The following PI4KA variants were observed in gnomAD, a reference collection of about 807,000 sequenced individuals.
PI4KA encodes the protein PI4-kinase alpha.
PI4KA carries 122 observed loss-of-function variants against 271.4 expected under a neutral mutation model. That is an observed-to-expected ratio of 0.45 (90% confidence interval 0.39 to 0.52). The LOEUF is 0.52. Ranked by LOEUF, PI4KA falls within the 20% of genes least tolerant of loss-of-function variation. The probability of loss-of-function intolerance (pLI) is 0.00; values close to 1 mark genes in which losing one functional copy is unlikely to be tolerated. For missense variants in PI4KA, 1,969 were observed against 2,769.1 expected, an observed-to-expected ratio of 0.71 and a Z score of 6.48; for synonymous variants, 1,041 against 1,078.8, an observed-to-expected ratio of 0.96 and a Z score of 0.69.
chr22:20,737,897 C>T (rs1928930229), intron 32 of PI4KA, among the ~76,000 whole-genome samples: 1 of 152,162 alleles, frequency 6.6e-6, no homozygotes, highest in South Asian at 2.1e-4. Context: ...TCCCAAAGTG[C>T]TGGGATTACA....
intron 3 of PI4KA, 80 bp downstream of exon 3, chr22:20,834,482 T>C (rs1924605453): frequency 2.3e-6 from 2 of 861,536 alleles, no homozygotes. Flanking sequence ...GATGTGTCAG[T>C]ATGAATAAAC....
rs536201588 is a variant in PI4KA at position 20,728,145 on chromosome 22, G to T, written c.4683-281C>A. ...AACTCCAAGGACAAATGCTTGAGGG[G>T]ATGGATACCCCATTCTCCAAGATGT... On this transcript the variant is annotated intron_variant, in intron 39 of 54. Transcript: ENST00000255882. Among the ~76,000 whole-genome samples, 18 of 152,232 alleles carry T rather than the reference G, an allele frequency of 1.2e-4. No homozygotes were observed. In the East Asian group the frequency reaches 3.1e-3, roughly 26 times the overall value.
At chr22:20,789,487 G>A (rs558521062) in intron 19 of PI4KA, among the ~76,000 whole-genome samples, 7 of 152,076 alleles carry the variant, frequency 4.6e-5, no homozygotes, top group Admixed American at 3.9e-4. Context: ...GTGCCACCAC[G>A]CTTGGCTAAT....
In PI4KA at chr22:20,740,254, G is replaced by A. The variant is rs182491447; in HGVS notation, c.3741+1974C>T. On this transcript the variant is annotated intron_variant, in intron 32 of 54. Transcript: ENST00000255882. ...AAGCAGAAGAAAAGAACAGTGAACTGGTATACAGGTTAAAAAAAAAATTAA... is the reference window on the plus strand; with the variant it reads ...AAGCAGAAGAAAAGAACAGTGAACTAGTATACAGGTTAAAAAAAAAATTAA... 2.5e-3 allele frequency among the ~76,000 whole-genome samples: 371 copies of A among 151,064 alleles called. 1 individual carries two copies. Among genetic ancestry groups the A allele is most frequent in the African/African-American group, 8.6e-3 (354 of 41,260 alleles).
intron 19 of PI4KA, among the ~76,000 whole-genome samples, chr22:20,778,917 T>C (rs1344398546): frequency 6.6e-6 from 1 of 152,184 alleles, no homozygotes; most frequent in Non-Finnish European, 1.5e-5. Context: ...GACTGGTCCA[T>C]GAGCCCCTGG....
intron 36 of PI4KA, among the ~76,000 whole-genome samples, chr22:20,731,638 T>TA (rs1204262668): frequency 1.3e-5 from 2 of 151,572 alleles, no homozygotes; most frequent in East Asian, 1.9e-4. Context: ...TACTAAAAAA[T>TA]AAAAAAATTG....
chr22:20,801,664 A>T (rs1431393491), intron 14 of PI4KA, among the ~76,000 whole-genome samples: 1 of 152,048 alleles, frequency 6.6e-6, no homozygotes, highest in Non-Finnish European at 1.5e-5. Context: ...CAGGTGGATC[A>T]CCTGAGGTCA....
intron 19 of PI4KA, chr22:20,783,894 A>G: frequency 6.2e-7 from 1 of 1,600,032 alleles, no homozygotes; most frequent in Non-Finnish European, 8.6e-7. Context: ...CTCCAGGGAA[A>G]TCAGATTCAC....
chr22:20,857,739 G>C (rs918030294), intron 1 of PI4KA, among the ~76,000 whole-genome samples: 1 of 152,184 alleles, frequency 6.6e-6, no homozygotes, highest in African/African-American at 2.4e-5. Flanking sequence ...GAGGCTCTAA[G>C]AGTTAAATTT....
chr22:20,799,289 G>T lies in PI4KA; in HGVS notation c.1821-13C>A. ...CAAGTGAGCGTCCCTACAGAAGGAA[G>T]AACAGAAGCGCCCTAGCAACAGTCC... On this transcript the variant is annotated splice_polypyrimidine_tract_variant and intron_variant, in intron 15 of 54. Coordinates refer to ENST00000255882, the MANE Select transcript of PI4KA (RefSeq NM_058004.4). 1.3e-6 allele frequency: 2 copies of T among 1,510,728 alleles called. No homozygotes were observed. The highest frequency in any genetic ancestry group is 1.4e-5 in the South Asian group (1 of 73,822). The allele number at this position is 1,510,728 out of a possible 1,614,324, so 93.6% of individuals were successfully genotyped here.
chr22:20,843,097 C>CAAAA (rs361761), intron 1 of PI4KA, among the ~76,000 whole-genome samples: 2 of 113,884 alleles, frequency 1.8e-5, no homozygotes, highest in Non-Finnish European at 3.7e-5. Context: ...GACTCCGTCT[C>CAAAA]AAAAAAAAAA....
chr22:20,724,186 T>C (rs1289997438), intron 42 of PI4KA, among the ~76,000 whole-genome samples: 1 of 151,586 alleles, frequency 6.6e-6, no homozygotes, highest in African/African-American at 2.4e-5. Context: ...ATGCCTGTAA[T>C]CACAGCTGCT....
At chr22:20,800,217 T>C (rs1935217650) in intron 14 of PI4KA, among the ~76,000 whole-genome samples, 1 of 152,246 alleles carries the variant, frequency 6.6e-6, no homozygotes, top group Non-Finnish European at 1.5e-5. Context: ...TAAGATGTCC[T>C]AGCTCTCCAC....
At chr22:20,848,213 G>A (rs1926511189) in intron 1 of PI4KA, among the ~76,000 whole-genome samples, 1 of 148,968 alleles carries the variant, frequency 6.7e-6, no homozygotes, top group Non-Finnish European at 1.5e-5. Flanking sequence ...ACTCCAGCCT[G>A]GGTGACAGAG....
At chr22:20,751,420 A>G (rs1930675800) in intron 26 of PI4KA, 44 bp from the exon 27 acceptor site, 1 of 1,556,310 alleles carries the variant, frequency 6.4e-7, no homozygotes, top group Non-Finnish European at 8.8e-7. Context: ...GCCTTCCCCA[A>G]GTTGCCACTA....
intron 23 of PI4KA, among the ~76,000 whole-genome samples, chr22:20,758,739 T>C (rs1931617985): frequency 6.6e-6 from 1 of 152,098 alleles, no homozygotes; most frequent in Non-Finnish European, 1.5e-5. Context: ...TCTCTGAATG[T>C]GGCCCCCACC....
intron 1 of PI4KA, among the ~76,000 whole-genome samples, chr22:20,846,328 T>C (rs905480101): frequency 6.9e-6 from 1 of 143,968 alleles, no homozygotes. Context: ...AACGCAGCAA[T>C]GAGCAAATTA....
chr22:20,732,118 G>A (rs898750899), intron 36 of PI4KA, among the ~76,000 whole-genome samples: 6 of 151,966 alleles, frequency 3.9e-5, no homozygotes, highest in Non-Finnish European at 7.4e-5. Context: ...AGCTTGCAGT[G>A]AGCCGAGATT....
chr22:20,778,187 GT>G lies in PI4KA; in HGVS notation c.2329-12495del, dbSNP rs1459964796. Among the ~76,000 whole-genome samples the G allele has an allele frequency of 6.0e-4, 92 of 152,228 alleles. 1 individual carries two copies. Among genetic ancestry groups the G allele is most frequent in the Non-Finnish European group, 8.8e-5 (6 of 68,006 alleles). ...CTGAGGGGGTCTCAGCACTAGACAA[GT>G]TCCAAATCTTTTGCAAATTAAACAA... On this transcript the variant is annotated intron_variant, in intron 19 of 54. Transcript: ENST00000255882.
Sources: allele counts gnomAD v4.1 joint callset (sites outside exome capture counted in the v4.1 genomes callset), GRCh38; gene constraint gnomAD v4.1.1; transcripts MANE v1.5; gene names NCBI Gene and HGNC (gene_info 2026-07-23, HGNC 2026-07-21).